STK24: variants seen among roughly 807,000 people sequenced by gnomAD.
STK24 encodes serine/threonine-protein kinase 24.
A neutral mutation model predicts 55.6 loss-of-function variants in STK24; 21 were observed. That is an observed-to-expected ratio of 0.38 (90% CI 0.27 to 0.54). STK24 has a LOEUF of 0.54. STK24 is among the 20% of genes least tolerant of loss of function. The pLI is 0.79. For synonymous variants in STK24, 200 were observed against 215.2 expected, an observed-to-expected ratio of 0.93 and a Z score of 0.62; for missense variants, 383 against 538.4, an observed-to-expected ratio of 0.71 and a Z score of 2.86.
At chr13:98,542,741 A>C in intron 1 of STK24, 1 of 757,518 alleles carries the variant, frequency 1.3e-6, no homozygotes, top group African/African-American at 1.9e-5. Flanking sequence ...CGGGAAGCAA[A>C]GCAGCCCACA....
At chr13:98,456,313 G>T in intron 10 of STK24, 1 of 360,708 alleles carries the variant, frequency 2.8e-6, no homozygotes, top group Non-Finnish European at 5.5e-6. Flanking sequence ...GCAGTCTCAG[G>T]AAAGACCCAG....
At chr13:98,528,223 C>G (rs1022048171) in intron 1 of STK24, among the ~76,000 whole-genome samples, 1 of 152,174 alleles carries the variant, frequency 6.6e-6, no homozygotes, top group East Asian at 1.9e-4. Flanking sequence ...GTTTGCCTGG[C>G]CAATGTCATG....
In STK24 at chr13:98,451,017, A is replaced by G. The variant is rs948051331; in HGVS notation, c.*2156T>C. 1 of 152,122 alleles carries G rather than the reference A, an allele frequency of 6.6e-6. No individual in the cohort carries two copies. Among genetic ancestry groups the G allele is most frequent in the African/African-American group, 2.4e-5 (1 of 41,394 alleles). 9.4% of individuals were successfully genotyped at this position (152,122 alleles called of 1,614,324 possible). A position where few individuals can be genotyped will look rare whatever the true frequency, so the allele number is the denominator to read the frequency against. On this transcript the variant is annotated 3_prime_UTR_variant, in exon 11 of 11. Coordinates refer to ENST00000539966, the MANE Select transcript of STK24 (RefSeq NM_001032296.4). The stretch of plus-strand genomic sequence containing the variant: ...TCTACGGGGGAAGGGGCTGAGTATG[A>G]TTTGTCTGGCGACTGCAGAGACTCC...
intron 1 of STK24, among the ~76,000 whole-genome samples, chr13:98,573,280 T>A (rs1897789917): frequency 6.6e-6 from 1 of 152,166 alleles, no homozygotes; most frequent in African/African-American, 2.4e-5. Context: ...CAAACCAAAA[T>A]CTCATTTTTA....
Position 98,452,839 on chromosome 13 carries a change from T to C in STK24, c.*334A>G, listed in dbSNP as rs1893261244. 1.7e-5 allele frequency: 4 copies of C among 236,812 alleles called. No homozygotes were observed. Among genetic ancestry groups the C allele is most frequent in the Admixed American group, 1.0e-4 (2 of 19,330 alleles). 14.7% of individuals were successfully genotyped at this position (236,812 alleles called of 1,614,324 possible). A position where few individuals can be genotyped will look rare whatever the true frequency, so the allele number is the denominator to read the frequency against. Reference sequence around the variant, plus strand: ...AGGTTTCATGTCTTTAGTTGCCTTATCATAATCCCAAATATACATTTCAGG... The same window carrying C: ...AGGTTTCATGTCTTTAGTTGCCTTACCATAATCCCAAATATACATTTCAGG... On this transcript the variant is annotated 3_prime_UTR_variant, in exon 11 of 11. Coordinates refer to ENST00000539966, the MANE Select transcript of STK24 (RefSeq NM_001032296.4).
intron 1 of STK24, among the ~76,000 whole-genome samples, chr13:98,545,767 A>G (rs1185008865): frequency 6.6e-6 from 1 of 152,208 alleles, no homozygotes. Context: ...TAAAGAAGCT[A>G]AAAGCGGCAA....
At chr13:98,457,104 A>G (rs1893493498) in intron 10 of STK24, 64 bp downstream of exon 10, 1 of 1,570,930 alleles carries the variant, frequency 6.4e-7, no homozygotes, top group Admixed American at 1.8e-5. Flanking sequence ...CAAACTCATC[A>G]ACTAAGTCCC....
chr13:98,557,256 C>T (rs1181825617), intron 1 of STK24, among the ~76,000 whole-genome samples: 1 of 152,226 alleles, frequency 6.6e-6, no homozygotes, highest in East Asian at 1.9e-4. Flanking sequence ...AGTCTCTAGC[C>T]TGAACTCTTC....
chr13:98,500,652 C>A (rs921026710), intron 2 of STK24, among the ~76,000 whole-genome samples: 1 of 146,678 alleles, frequency 6.8e-6, no homozygotes, highest in East Asian at 2.0e-4. Flanking sequence ...ACCATCGGCT[C>A]GCCAGTCAGT....
chr13:98,554,463 T>G (rs1041533840), intron 1 of STK24, among the ~76,000 whole-genome samples: 1 of 152,100 alleles, frequency 6.6e-6, no homozygotes, highest in Admixed American at 6.5e-5. Flanking sequence ...ACACTGCACC[T>G]CTCACAGATT....
chr13:98,532,455 CCACACCCACCA>C (rs1896606018), intron 1 of STK24, among the ~76,000 whole-genome samples: 1 of 150,610 alleles, frequency 6.6e-6, no homozygotes, highest in South Asian at 2.1e-4. Context: ...ACATCCCATC[CCACACCCACCA>C]CACACCCATC....
At chr13:98,459,218 C>T (rs899591829) in intron 9 of STK24, among the ~76,000 whole-genome samples, 1 of 152,324 alleles carries the variant, frequency 6.6e-6, no homozygotes, top group South Asian at 2.1e-4. Flanking sequence ...CGCAGGATGG[C>T]GCTCAACCCG....
chr13:98,561,056 A>G (rs141640140), intron 1 of STK24, among the ~76,000 whole-genome samples: 29 of 152,316 alleles, frequency 1.9e-4, no homozygotes, highest in Non-Finnish European at 2.2e-4. Context: ...CTCAAGGAGT[A>G]TATGTGTGGA....
At chr13:98,548,861 C>CAAAAAAAAAAAAAAAAAAAAAAAAAA (rs55793722) in intron 1 of STK24, among the ~76,000 whole-genome samples, 2 of 37,804 alleles carry the variant, frequency 5.3e-5, no homozygotes, top group African/African-American at 8.9e-5. Context: ...GACTCTGTCT[C>CAAAAAAAAAAAAAAAAAAAAAAAAAA]AAAAAAAAAA....
chr13:98,566,806 G>A (rs1203162242), intron 1 of STK24, among the ~76,000 whole-genome samples: 2 of 152,222 alleles, frequency 1.3e-5, no homozygotes, highest in Non-Finnish European at 2.9e-5. Context: ...AGCTTTTTCT[G>A]TGTGAATTAC....
At position 98,446,902 on chromosome 13, in the gene STK24, G is replaced by A; in HGVS notation, c.*6271C>T. The A allele has an allele frequency of 2.8e-6, 4 of 1,442,292 alleles. No individual in the cohort carries two copies. Among genetic ancestry groups the A allele is most frequent in the Non-Finnish European group, 3.8e-6 (4 of 1,039,270 alleles). 89.3% of individuals were successfully genotyped at this position (1,442,292 alleles called of 1,614,324 possible). ...CAGGATTTCTCCCAAGTCAGCGAGT[G>A]AGATGGCCCCACCCTTCCCTGCCAA... On this transcript the variant is annotated 3_prime_UTR_variant, in exon 11 of 11. Transcript: ENST00000539966.
intron 2 of STK24, among the ~76,000 whole-genome samples, chr13:98,486,749 C>T (rs1894821702): frequency 6.6e-6 from 1 of 152,214 alleles, no homozygotes; most frequent in African/African-American, 2.4e-5. Flanking sequence ...ACAAATCTGA[C>T]ATGGTTCCTG....
At chr13:98,525,956 C>T (rs1206399895) in intron 1 of STK24, among the ~76,000 whole-genome samples, 1 of 152,186 alleles carries the variant, frequency 6.6e-6, no homozygotes, top group East Asian at 1.9e-4. Context: ...CCAACTTCCC[C>T]TTCTGGGGGA....
chr13:98,515,101 GAAAA>G (rs5806066), intron 2 of STK24, among the ~76,000 whole-genome samples: 1 of 128,466 alleles, frequency 7.8e-6, no homozygotes. Context: ...CAAACCCCCT[GAAAA>G]AAAAAAAAAA....
Sources: gnomAD v4.1 joint callset for allele counts (sites outside exome capture counted in the v4.1 genomes callset) on GRCh38, gnomAD v4.1.1 for gene constraint, MANE v1.5 for transcripts, NCBI Gene and HGNC (gene_info 2026-07-23, HGNC 2026-07-21) for gene names.